Variants in FCN1 observed in about 807,000 individuals in gnomAD.
FCN1 encodes ficolin 1, also known as ficolin-1.
FCN1 carries 42 observed loss-of-function variants against 35.6 expected under a neutral mutation model. The observed-to-expected ratio is 1.18, with a 90% CI of 0.92 to 1.53. The LOEUF (loss-of-function observed/expected upper bound fraction) is 1.53, where lower values mean the gene tolerates loss of function less well. Ranked by LOEUF, FCN1 falls within the 40% of genes most tolerant of loss-of-function variation. The pLI, the probability that FCN1 is intolerant of heterozygous loss-of-function variation, is 0.00. For missense variants in FCN1, 439 were observed against 428.4 expected, an observed-to-expected ratio of 1.02 and a Z score of -0.22; for synonymous variants, 179 against 169.8, an observed-to-expected ratio of 1.05 and a Z score of -0.42.
Position 134,906,200 on chromosome 9 carries a change from T to TA in FCN1, c.*3597dup, listed in dbSNP as rs1477662361. On this transcript the variant is annotated 3_prime_UTR_variant, in exon 9 of 9. Coordinates refer to ENST00000371806, the MANE Select transcript of FCN1 (RefSeq NM_002003.5). ...AAGTGATCCACCCACTTCAGCCTCC[T>TA]AAAGTGCTAGGATTACAGGCGTGAG... 3 of 151,584 alleles carry TA rather than the reference T, an allele frequency of 2.0e-5. No individual in the cohort carries two copies. Among genetic ancestry groups the TA allele is most frequent in the African/African-American group, 7.3e-5 (3 of 41,166 alleles). The allele number at this position is 151,584 out of a possible 1,614,324, so 9.4% of individuals were successfully genotyped here. A position where few individuals can be genotyped will look rare whatever the true frequency, so the allele number is the denominator to read the frequency against.
In FCN1 at chr9:134,909,786, G is replaced by T. The variant is rs1830997866; in HGVS notation, c.*12C>A. On this transcript the variant is annotated 3_prime_UTR_variant, in exon 9 of 9. Coordinates refer to ENST00000371806, the MANE Select transcript of FCN1 (RefSeq NM_002003.5). The stretch of plus-strand genomic sequence containing the variant: ...CCCACTAGCAGGTGCATGTGGAGGG[G>T]TCCTGGCCCGTCTAGGCGGGCCGCA... The T allele has an allele frequency of 1.9e-6, 3 of 1,612,036 alleles. No homozygotes were observed. The highest frequency in any genetic ancestry group is 2.2e-5 in the South Asian group (2 of 91,018).
At chr9:134,911,360 T>G in intron 7 of FCN1, 93 bp from the exon 8 acceptor site, 1 of 1,081,776 alleles carries the variant, frequency 9.2e-7, no homozygotes, top group Non-Finnish European at 1.3e-6. Flanking sequence ...TTTTTTTTTT[T>G]TGAGACAGAG....
In FCN1 at chr9:134,909,864, G is replaced by A. The variant is rs753513714; in HGVS notation, c.915C>T (p.Asn305=). 3.7e-6 allele frequency: 6 copies of A among 1,614,172 alleles called. No homozygotes were observed. In the South Asian group the frequency reaches 6.6e-5, roughly 18 times the overall value. The change falls in exon 9 of 9, where the codon AAC becomes AAT. Residue 305 remains asparagine (N), a synonymous_variant. Transcript: ENST00000371806. ...ATTTGTACCCCTTCGCCGCACTCCA[G>A]TTGATACCATTGGCATAGCTCTCAT... is the stretch of plus-strand genomic sequence containing the variant. ...GPHESYANGI[N]WSAAKGYKYS...
Position 134,909,062 on chromosome 9 carries a change from C to T in FCN1, c.*736G>A. ...CCCCTTCTCCATCATCTCCTAGAAG[C>T]CTTGTGCAGCTTTTCCCACTGAGGT... On this transcript the variant is annotated 3_prime_UTR_variant, in exon 9 of 9. Coordinates refer to ENST00000371806, the MANE Select transcript of FCN1 (RefSeq NM_002003.5). The T allele has an allele frequency of 2.2e-6, 1 of 458,520 alleles. No homozygotes were observed. The highest frequency in any genetic ancestry group is 2.0e-5 in the South Asian group (1 of 49,714). The allele number at this position is 458,520 out of a possible 1,614,324, so 28.4% of individuals were successfully genotyped here.
intron 8 of FCN1, 141 bp from the exon 9 acceptor site, chr9:134,910,186 C>T: frequency 1.3e-6 from 1 of 792,782 alleles, no homozygotes; most frequent in Non-Finnish European, 2.1e-6. Context: ...AATGACCCAC[C>T]CAGGCCTTGG....
chr9:134,916,480 G>A lies in FCN1; in HGVS notation c.104-19C>T. ...TTCACCTCTGCAGAGAAACACAGGT[G>A]CCCACTCAGTGCCTGGCCCAACAGT... On this transcript the variant is annotated intron_variant, in intron 1 of 8. Transcript: ENST00000371806. 1.9e-6 allele frequency: 3 copies of A among 1,608,852 alleles called. No homozygotes were observed. The highest frequency in any genetic ancestry group is 2.7e-5 in the African/African-American group (2 of 74,942).
chr9:134,911,640 C>T (rs547004058), intron 7 of FCN1, among the ~76,000 whole-genome samples: 15 of 151,626 alleles, frequency 9.9e-5, no homozygotes, highest in Non-Finnish European at 1.8e-4. Flanking sequence ...GTGTGAGCCA[C>T]GGTGCCCGGC....
intron 3 of FCN1, 112 bp downstream of exon 3, chr9:134,914,644 T>C: frequency 1.1e-6 from 1 of 916,398 alleles, no homozygotes; most frequent in Non-Finnish European, 1.7e-6. Context: ...TGTTGCCGTG[T>C]CTCTCTGTGT....
intron 7 of FCN1, among the ~76,000 whole-genome samples, 190 bp downstream of exon 7, chr9:134,912,296 C>T (rs966478615): frequency 6.6e-6 from 1 of 152,202 alleles, no homozygotes; most frequent in Non-Finnish European, 1.5e-5. Flanking sequence ...GGGCTCTAAC[C>T]GTTTCCCTTC....
chr9:134,908,512 G>T lies in FCN1; in HGVS notation c.*1286C>A, dbSNP rs943807190. 1 of 152,368 alleles carries T rather than the reference G, an allele frequency of 6.6e-6. No individual in the cohort carries two copies. The highest frequency in any genetic ancestry group is 1.5e-5 in the Non-Finnish European group (1 of 68,182). The allele number at this position is 152,368 out of a possible 1,614,324, so 9.4% of individuals were successfully genotyped here. A position where few individuals can be genotyped will look rare whatever the true frequency, so the allele number is the denominator to read the frequency against. On this transcript the variant is annotated 3_prime_UTR_variant, in exon 9 of 9. Coordinates refer to ENST00000371806, the MANE Select transcript of FCN1 (RefSeq NM_002003.5). ...GACCTGGACATGGGAGAGGATCCCAGATCATCCAGGTAGGCCTAGTCTAAT... is the reference window on the plus strand; with the variant it reads ...GACCTGGACATGGGAGAGGATCCCATATCATCCAGGTAGGCCTAGTCTAAT...
At chr9:134,913,442 C>T (rs746873396) in intron 5 of FCN1, 139 bp downstream of exon 5, 5 of 705,798 alleles carry the variant, frequency 7.1e-6, no homozygotes, top group Non-Finnish European at 9.5e-6. Context: ...GTGATAGCTG[C>T]CCATTACTCG....
chr9:134,917,651 ATC>A (rs1374447232), intron 1 of FCN1, 116 bp downstream of exon 1: 1 of 673,900 alleles, frequency 1.5e-6, no homozygotes, highest in African/African-American at 1.8e-5. Context: ...GATAAAACAG[ATC>A]TGTTGGGCAT....
chr9:134,911,019 A>T (rs1831016049), intron 8 of FCN1, 114 bp downstream of exon 8: 2 of 1,091,632 alleles, frequency 1.8e-6, no homozygotes, highest in Non-Finnish European at 2.7e-6. Flanking sequence ...TGCTTCATAG[A>T]TGGAGAAATG....
In FCN1 at chr9:134,904,461, T is replaced by C. The variant is rs909260320; in HGVS notation, c.*5337A>G. On this transcript the variant is annotated 3_prime_UTR_variant, in exon 9 of 9. Coordinates refer to ENST00000371806, the MANE Select transcript of FCN1 (RefSeq NM_002003.5). Reference sequence around the variant, plus strand: ...TTTCAGATAATAAAAGTGGACAGAATTCATCCTCAGCAGACTTTCATCAAA... The same window carrying C: ...TTTCAGATAATAAAAGTGGACAGAACTCATCCTCAGCAGACTTTCATCAAA... Among the ~76,000 whole-genome samples the C allele has an allele frequency of 6.6e-6, 1 of 152,138 alleles. No homozygotes were observed. Among genetic ancestry groups the C allele is most frequent in the African/African-American group, 2.4e-5 (1 of 41,426 alleles).
rs1305439861 is a variant in FCN1, at chr9:134,909,273, C to G, written c.*525G>C. ...CAGAAAAGTTCCTACTAAACTTTCCCCCTTTTTAGTAAGTGTTTTCTGGAC... is the reference window on the plus strand; with the variant it reads ...CAGAAAAGTTCCTACTAAACTTTCCGCCTTTTTAGTAAGTGTTTTCTGGAC... On this transcript the variant is annotated 3_prime_UTR_variant, in exon 9 of 9. Transcript: ENST00000371806. The G allele has an allele frequency of 7.8e-7, 1 of 1,289,668 alleles. No homozygotes were observed. The highest frequency in any genetic ancestry group is 1.2e-5 in the South Asian group (1 of 81,026). The allele number at this position is 1,289,668 out of a possible 1,614,324, so 79.9% of individuals were successfully genotyped here. A position where few individuals can be genotyped will look rare whatever the true frequency, so the allele number is the denominator to read the frequency against.
intron 2 of FCN1, among the ~76,000 whole-genome samples, chr9:134,915,075 G>A (rs551286632): frequency 1.3e-5 from 2 of 152,258 alleles, no homozygotes; most frequent in East Asian, 3.9e-4. Context: ...GGAGCAACCT[G>A]GGTTTCACAC....
chr9:134,909,474 C>T lies in FCN1; in HGVS notation c.*324G>A. On this transcript the variant is annotated 3_prime_UTR_variant, in exon 9 of 9. Transcript: ENST00000371806. ...GTAGTGCCATCTGCTAAATAAGGGT[C>T]CTGACTCTTCCCGACTTACCAAATT... 2.3e-6 allele frequency: 3 copies of T among 1,312,970 alleles called. No individual in the cohort carries two copies. The highest frequency in any genetic ancestry group is 3.0e-6 in the Non-Finnish European group (3 of 1,004,366). 81.3% of individuals were successfully genotyped at this position (1,312,970 alleles called of 1,614,324 possible). A position where few individuals can be genotyped will look rare whatever the true frequency, so the allele number is the denominator to read the frequency against.
At chr9:134,913,893 C>A (rs1455257394) in intron 4 of FCN1, among the ~76,000 whole-genome samples, 1 of 152,154 alleles carries the variant, frequency 6.6e-6, no homozygotes, top group Non-Finnish European at 1.5e-5. Context: ...CCTAGTGGGG[C>A]CTTCGCCACT....
chr9:134,906,014 C>T lies in FCN1; in HGVS notation c.*3784G>A, dbSNP rs1188436417. 5 of 142,804 alleles carry T rather than the reference C, an allele frequency of 3.5e-5. No individual in the cohort carries two copies. The highest frequency in any genetic ancestry group is 1.5e-4 in the African/African-American group (5 of 34,058). 8.8% of individuals were successfully genotyped at this position (142,804 alleles called of 1,614,324 possible). A position where few individuals can be genotyped will look rare whatever the true frequency, so the allele number is the denominator to read the frequency against. On this transcript the variant is annotated 3_prime_UTR_variant, in exon 9 of 9. Coordinates refer to ENST00000371806, the MANE Select transcript of FCN1 (RefSeq NM_002003.5). The stretch of plus-strand genomic sequence containing the variant: ...TTTTATTTTTATTTTTTTTTTGAGG[C>T]GGAATCTCGCTCTGTTCCCCAGGCT...
Sources: allele counts gnomAD v4.1 joint callset (sites outside exome capture counted in the v4.1 genomes callset), GRCh38; gene constraint gnomAD v4.1.1; transcripts MANE v1.5; gene names NCBI Gene and HGNC (gene_info 2026-07-23, HGNC 2026-07-21).